Variants in HDAC5 observed in about 807,000 individuals in gnomAD.
HDAC5 encodes the protein antigen NY-CO-9.
HDAC5 carries 25 observed loss-of-function variants against 133.3 expected under a neutral mutation model. That is an observed-to-expected ratio of 0.19 (90% confidence interval 0.14 to 0.26). The LOEUF is 0.26. Ranked by LOEUF, HDAC5 falls within the 10% of genes least tolerant of loss-of-function variation. The probability of loss-of-function intolerance (pLI) is 1.00; values close to 1 mark genes in which losing one functional copy is unlikely to be tolerated. For missense variants in HDAC5, 1,041 were observed against 1,460.5 expected (o/e 0.71, Z 4.68); for synonymous variants, 589 against 610.8 (o/e 0.96, Z 0.53).
intron 3 of HDAC5, among the ~76,000 whole-genome samples, chr17:44,097,059 A>T (rs1040816196): frequency 6.6e-6 from 1 of 152,230 alleles, no homozygotes; most frequent in East Asian, 1.9e-4. Context: ...GGTGGGAGGT[A>T]GGAGGTGGCA....
chr17:44,104,615 A>G (rs1410461981), intron 3 of HDAC5, among the ~76,000 whole-genome samples: 1 of 152,172 alleles, frequency 6.6e-6, no homozygotes, highest in East Asian at 1.9e-4. Context: ...CTTCCAGGCC[A>G]TCTCACCTGC....
chr17:44,120,116 C>A (rs1171688017), intron 1 of HDAC5: 1 of 152,422 alleles, frequency 6.6e-6, no homozygotes, highest in African/African-American at 2.4e-5. Flanking sequence ...AGGGTGGAAA[C>A]CCCAAACTCT....
chr17:44,111,479 TA>T (rs2052341827), intron 2 of HDAC5: 1 of 438,506 alleles, frequency 2.3e-6, no homozygotes, highest in Non-Finnish European at 4.6e-6. Context: ...CCGGCCAGGG[TA>T]CCCATGCATC....
chr17:44,123,106 A>C, intron 1 of HDAC5: 1 of 164,058 alleles, frequency 6.1e-6, no homozygotes, highest in Non-Finnish European at 1.3e-5. Context: ...TGTCCAGCGA[A>C]GAGGGGTCTG....
chr17:44,080,622 G>C, intron 21 of HDAC5, 124 bp from the exon 22 acceptor site: 3 of 1,460,304 alleles, frequency 2.1e-6, no homozygotes, highest in East Asian at 4.5e-5. Flanking sequence ...GGGGCAGTCA[G>C]ATCAGTGTGG....
chr17:44,080,366 T>G, intron 22 of HDAC5, 35 bp downstream of exon 22: 1 of 1,594,856 alleles, frequency 6.3e-7, no homozygotes, highest in Non-Finnish European at 8.6e-7. Flanking sequence ...CCAGAGGGGC[T>G]CCCACTGACT....
In HDAC5 at chr17:44,087,475, C is replaced by T. The variant is rs1424589261; in HGVS notation, c.1821G>A (p.Glu607=). 5.8e-6 allele frequency: 9 copies of T among 1,548,460 alleles called. No homozygotes were observed. The highest frequency in any genetic ancestry group is 8.0e-6 in the Non-Finnish European group (9 of 1,120,554). The part of the protein sequence containing the change: ...EEEDCIQVKD[E]EGESGAEEGP... ...CCTCCTCAGCACCACTCTCGCCCTC[C>T]TCGTCCTTAACCTGGATGCAATCCT... The change falls in exon 13 of 27, where the codon GAG becomes GAA. Residue 607 remains glutamate, a synonymous_variant. Transcript: ENST00000682912.
chr17:44,093,739 C>A lies in HDAC5; in HGVS notation c.190G>T (p.Val64Leu), dbSNP rs540930350. 1.2e-6 allele frequency: 2 copies of A among 1,603,468 alleles called. No individual in the cohort carries two copies. Among genetic ancestry groups the A allele is most frequent in the Non-Finnish European group, 1.7e-6 (2 of 1,174,968 alleles). Reference sequence around the variant, plus strand: ...CGCAGTGTGGGGTCCACAGAGCCCACCAGAGCCCCCCGTAGCTCCACAGGG... The same window carrying A: ...CGCAGTGTGGGGTCCACAGAGCCCAACAGAGCCCCCCGTAGCTCCACAGGG... ...PSPVELRGAL[V>L]GSVDPTLREQ... Residue 64 changes from valine to leucine, a missense_variant, in exon 4 of 27, where the codon GTG (valine) becomes TTG (leucine). Transcript: ENST00000682912.
chr17:44,084,820 C>T (rs1293837032), intron 15 of HDAC5, 145 bp from the exon 16 acceptor site: 1 of 1,296,820 alleles, frequency 7.7e-7, no homozygotes. Flanking sequence ...TCTGTCATGA[C>T]CTTACTCCCG....
intron 12 of HDAC5, 120 bp from the exon 13 acceptor site, chr17:44,087,816 T>G: frequency 4.0e-6 from 5 of 1,261,236 alleles, no homozygotes; most frequent in Non-Finnish European, 5.2e-6. Context: ...CTATGTGAAT[T>G]AGAAAAAGGT....
Position 44,121,101 on chromosome 17 carries a change from GAAAAAAA to G in HDAC5, c.-190+2396_-190+2402del, listed in dbSNP as rs35741759. Among the ~76,000 whole-genome samples, 53 of 87,846 alleles carry G rather than the reference GAAAAAAA, an allele frequency of 6.0e-4. 1 individual carries two copies. The highest frequency in any genetic ancestry group is 2.1e-3 in the African/African-American group (45 of 21,196). 57.6% of individuals were successfully genotyped at this position (87,846 alleles called of 152,430 possible). The stretch of plus-strand genomic sequence containing the variant: ...CAGATGGAGGAGGCTGCTATTTCTA[GAAAAAAA>G]AAAAAAAAAAAAAAGAGAGGGGGGT... On this transcript the variant is annotated intron_variant, in intron 1 of 26. Transcript: ENST00000682912.
chr17:44,086,924 G>A (rs1222899141), intron 13 of HDAC5, among the ~76,000 whole-genome samples, 187 bp from the exon 14 acceptor site: 2 of 150,078 alleles, frequency 1.3e-5, no homozygotes, highest in East Asian at 2.0e-4. Flanking sequence ...GGAGGGATGG[G>A]GGAGATGTGA....
chr17:44,113,098 C>G (rs56091400), intron 2 of HDAC5, among the ~76,000 whole-genome samples: 2,893 of 152,272 alleles, frequency 0.019, 36 homozygotes, highest in Middle Eastern at 0.037. Flanking sequence ...CCCACCCACG[C>G]TAGGAGTAAC....
Position 44,080,227 on chromosome 17 carries a change from T to TG in HDAC5, c.2826-3dup. The TG allele has an allele frequency of 6.2e-7, 1 of 1,611,562 alleles. No homozygotes were observed. The highest frequency in any genetic ancestry group is 8.5e-7 in the Non-Finnish European group (1 of 1,177,650). On this transcript the variant is annotated splice_polypyrimidine_tract_variant and splice_region_variant and intron_variant, in intron 22 of 26. Transcript: ENST00000682912. ...TGGGCAATGGGCATCACCACTGTCC[T>TG]GCAAAGGGATGGCTCAAGCTGAGCC...
At chr17:44,085,841 T>C (rs2050622680) in intron 14 of HDAC5, among the ~76,000 whole-genome samples, 1 of 151,788 alleles carries the variant, frequency 6.6e-6, no homozygotes, top group South Asian at 2.1e-4. Context: ...GGGGTCTCAC[T>C]ATGTTGCTCA....
chr17:44,118,327 G>A (rs543829741), intron 1 of HDAC5, among the ~76,000 whole-genome samples: 1 of 152,340 alleles, frequency 6.6e-6, no homozygotes, highest in African/African-American at 2.4e-5. Context: ...CCCTTGGCCT[G>A]GCAGGTGCAG....
chr17:44,099,130 T>A (rs2051435478), intron 3 of HDAC5, among the ~76,000 whole-genome samples: 1 of 151,074 alleles, frequency 6.6e-6, no homozygotes, highest in African/African-American at 2.4e-5. Context: ...AAGAAAAAAA[T>A]GAAAAGAAAA....
chr17:44,093,324 C>T lies in HDAC5; in HGVS notation c.516G>A (p.Lys172=), dbSNP rs199997130. The change falls in exon 5 of 27, where the codon AAG becomes AAA. Residue 172 remains lysine (K), a synonymous_variant. Coordinates refer to ENST00000682912, the MANE Select transcript of HDAC5 (RefSeq NM_005474.5). ...GAGGCCCTGCCTTACTCTCTTTGCT[C>T]TTCTCCTTGTTCCGCAGGATGAGCA... The part of the protein sequence containing the change: ...QQLLILRNKE[K]SKESAIASTE... 1.3e-4 allele frequency: 209 copies of T among 1,592,256 alleles called. No individual in the cohort carries two copies. Among genetic ancestry groups the T allele is most frequent in the Non-Finnish European group, 1.7e-4 (196 of 1,170,578 alleles).
At chr17:44,082,146 GCAA>G (rs1459864190) in intron 20 of HDAC5, 4 of 160,658 alleles carry the variant, frequency 2.5e-5, no homozygotes, top group Admixed American at 1.2e-4. Flanking sequence ...GGTAAGTCAC[GCAA>G]CAACACCTTT....
Sources: gnomAD v4.1 joint callset for allele counts (sites outside exome capture counted in the v4.1 genomes callset) on GRCh38, gnomAD v4.1.1 for gene constraint, MANE v1.5 for transcripts, NCBI Gene and HGNC (gene_info 2026-07-23, HGNC 2026-07-21) for gene names.